Variants in ARHGEF10L observed in about 807,000 individuals in gnomAD.
The protein encoded by ARHGEF10L is Rho guanine nucleotide exchange factor 10 like.
Under a neutral mutation model 141.2 loss-of-function variants are expected in ARHGEF10L, and 69 were observed. That is an observed-to-expected ratio of 0.49 (90% CI 0.40 to 0.60). ARHGEF10L has a LOEUF of 0.60. ARHGEF10L is among the 20% of genes least tolerant of loss of function. The pLI, the probability that ARHGEF10L is intolerant of heterozygous loss-of-function variation, is 0.00. For missense variants in ARHGEF10L, 1,482 were observed against 1,734.3 expected (o/e 0.85, Z 2.58); for synonymous variants, 711 against 718.5 (o/e 0.99, Z 0.17).
chr1:17,529,113 C>T, the ARHGEF10L span, among the ~76,000 whole-genome samples: 1 of 152,128 alleles, frequency 6.6e-6, no homozygotes, highest in African/African-American at 2.4e-5. Flanking sequence ...AAGCGATCTC[C>T]TGCCTCAGCC....
At chr1:17,598,749 C>G (rs1478690872) in intron 4 of ARHGEF10L, among the ~76,000 whole-genome samples, 1 of 149,656 alleles carries the variant, frequency 6.7e-6, no homozygotes, top group East Asian at 1.9e-4. Flanking sequence ...CTGAGTGTGC[C>G]GAGGGCTACT....
Position 17,639,389 on chromosome 1 carries a change from G to A in ARHGEF10L, c.2171+700G>A, listed in dbSNP as rs2101814363. Among the ~76,000 whole-genome samples the A allele has an allele frequency of 6.6e-6, 1 of 152,322 alleles. No individual in the cohort carries two copies. Among genetic ancestry groups the A allele is most frequent in the South Asian group, 2.1e-4 (1 of 4,828 alleles). ...TTTTGGCCTCCAGGGTGGGGTGAAG[G>A]TGGGGATAGAGTGTCACAAGCACAG... On this transcript the variant is annotated intron_variant, in intron 20 of 28. Transcript: ENST00000361221. The surrounding 1 kb of genome is among the most constrained non-coding windows in gnomAD (Gnocchi z 4.3).
intron 5 of ARHGEF10L, 73 bp downstream of exon 5, chr1:17,602,291 G>A: frequency 6.7e-7 from 1 of 1,499,074 alleles, no homozygotes; most frequent in Non-Finnish European, 9.1e-7. Flanking sequence ...TCTAACCCAA[G>A]AGAGCTGATG....
At chr1:17,521,362 A>G in the ARHGEF10L span, among the ~76,000 whole-genome samples, 6 of 151,992 alleles carry the variant, frequency 3.9e-5, no homozygotes, top group Non-Finnish European at 5.9e-5. Flanking sequence ...ACGCCCGGCT[A>G]ATTTTGTATT....
chr1:17,579,547 T>A (rs1009803610), intron 1 of ARHGEF10L, among the ~76,000 whole-genome samples: 1 of 152,244 alleles, frequency 6.6e-6, no homozygotes, highest in African/African-American at 2.4e-5. Flanking sequence ...TGCTTAAAAT[T>A]ATGTCTGAGG....
intron 4 of ARHGEF10L, among the ~76,000 whole-genome samples, chr1:17,596,065 G>A (rs2080067443): frequency 6.6e-6 from 1 of 152,178 alleles, no homozygotes; most frequent in South Asian, 2.1e-4. Flanking sequence ...TCACGCCTGG[G>A]AGCCCTGGTT....
intron 6 of ARHGEF10L, among the ~76,000 whole-genome samples, chr1:17,606,704 G>A (rs746395596): frequency 1.3e-5 from 2 of 151,170 alleles, no homozygotes; most frequent in East Asian, 1.9e-4. Context: ...ACTTTTTGGC[G>A]TCTGACCCCA....
At chr1:17,681,512 G>T (rs2064125748) in intron 26 of ARHGEF10L, among the ~76,000 whole-genome samples, 2 of 152,162 alleles carry the variant, frequency 1.3e-5, no homozygotes, top group Admixed American at 6.5e-5. Context: ...TTTTCTTCAT[G>T]ATATTGACTT....
rs554929468 is a variant in ARHGEF10L at position 17,624,695 on chromosome 1, C to T, written c.1317+192C>T. On this transcript the variant is annotated intron_variant, in intron 13 of 28. Transcript: ENST00000361221. ...CTCCTGCCCCTGGGAGGAGCGTAGC[C>T]AAGTGTCTGTAAGCAACTGGGATCC... Among the ~76,000 whole-genome samples, 290 of 152,246 alleles carry T rather than the reference C, an allele frequency of 1.9e-3. 2 individuals carry two copies. The highest frequency in any genetic ancestry group is 6.9e-3 in the African/African-American group (285 of 41,540).
At chr1:17,589,285 G>A (rs1411254407) in intron 4 of ARHGEF10L, among the ~76,000 whole-genome samples, 1 of 152,228 alleles carries the variant, frequency 6.6e-6, no homozygotes, top group African/African-American at 2.4e-5. Flanking sequence ...GGTTGGAAGG[G>A]TAATTGGGTA....
At chr1:17,616,294 C>A in intron 9 of ARHGEF10L, 92 bp downstream of exon 9, 1 of 1,114,352 alleles carries the variant, frequency 9.0e-7, no homozygotes, top group South Asian at 1.4e-5. Flanking sequence ...AGAGGTCATG[C>A]TGGGTGGGTA....
chr1:17,570,197 G>A (rs142868651), intron 1 of ARHGEF10L, among the ~76,000 whole-genome samples: 12 of 152,344 alleles, frequency 7.9e-5, no homozygotes, highest in South Asian at 6.2e-4. Context: ...GGTGAACAGT[G>A]GTCACAGTCC....
chr1:17,557,342 CAA>C (rs1003759039), intron 1 of ARHGEF10L, among the ~76,000 whole-genome samples: 2 of 90,960 alleles, frequency 2.2e-5, no homozygotes, highest in Non-Finnish European at 2.4e-5. Context: ...GACTCCATCT[CAA>C]AAAAAAAAAA....
At chr1:17,641,714 C>T (rs988874752) in intron 21 of ARHGEF10L, among the ~76,000 whole-genome samples, 4 of 151,964 alleles carry the variant, frequency 2.6e-5, no homozygotes, top group Admixed American at 6.6e-5. Context: ...CGTGGTGGCT[C>T]GCGCCTGTAA....
chr1:17,598,671 A>G (rs886223439), intron 4 of ARHGEF10L, among the ~76,000 whole-genome samples: 4 of 152,044 alleles, frequency 2.6e-5, no homozygotes, highest in African/African-American at 9.7e-5. Context: ...ATTTTAACAC[A>G]TGGACTTTTT....
chr1:17,634,398 C>A, intron 16 of ARHGEF10L, 150 bp from the exon 17 acceptor site: 2 of 1,284,130 alleles, frequency 1.6e-6, no homozygotes, highest in Non-Finnish European at 2.2e-6. Flanking sequence ...CCACACCTGG[C>A]CTCTGATGCC....
chr1:17,592,818 G>T (rs970642791), intron 4 of ARHGEF10L, among the ~76,000 whole-genome samples: 13 of 151,448 alleles, frequency 8.6e-5, no homozygotes, highest in Non-Finnish European at 1.2e-4. Flanking sequence ...GTCCTGTCCC[G>T]CAGGGTCCAT....
Position 17,695,200 on chromosome 1 carries a change from G to T in ARHGEF10L, c.3227G>T (p.Gly1076Val). Reference sequence around the variant, plus strand: ...GTCACCAGCCTCCTGATCTGCCAGGGTCTGCTCTGGGTGGGCACTGACCAG... The same window carrying T: ...GTCACCAGCCTCCTGATCTGCCAGGTTCTGCTCTGGGTGGGCACTGACCAG... Reference protein sequence around the residue: ...LCVTSLLICQGLLWVGTDQGV... With the variant: ...LCVTSLLICQVLLWVGTDQGV... The change falls in exon 28 of 29, where the codon GGT becomes GTT. Residue 1076 changes from glycine (G) to valine (V), a missense_variant. Gly to Val is a moderately radical substitution (Grantham distance 109). Transcript: ENST00000361221. 1.2e-6 allele frequency: 2 copies of T among 1,612,968 alleles called. No homozygotes were observed. The highest frequency in any genetic ancestry group is 8.5e-7 in the Non-Finnish European group (1 of 1,179,936).
At chr1:17,616,237 C>A in intron 9 of ARHGEF10L, 35 bp downstream of exon 9, 2 of 1,415,976 alleles carry the variant, frequency 1.4e-6, no homozygotes, top group Non-Finnish European at 2.0e-6. Context: ...GTCTGGTGCC[C>A]AGCTCTGACT....
Sources: allele counts gnomAD v4.1 joint callset (sites outside exome capture counted in the v4.1 genomes callset), GRCh38; gene constraint gnomAD v4.1.1; non-coding constraint Gnocchi (gnomAD v3.1); transcripts MANE v1.5; gene names NCBI Gene and HGNC (gene_info 2026-07-23, HGNC 2026-07-21).